ADGRG2: variants seen among roughly 807,000 people sequenced by gnomAD.
ADGRG2 encodes the protein adhesion G protein-coupled receptor G2.
In ADGRG2, 26 loss-of-function variants were observed where a neutral mutation model predicts 74.1. The ratio of observed to expected loss-of-function variants is 0.35; its 90% confidence interval spans 0.26 to 0.49. ADGRG2 has a LOEUF of 0.49. Among genes scored for constraint, ADGRG2 ranks in the 20% least tolerant of loss-of-function variants. The pLI is 0.99. For synonymous variants in ADGRG2, 296 were observed against 295.2 expected (o/e 1.00, Z -0.03); for missense variants, 619 against 763.1 (o/e 0.81, Z 2.22).
chrX:19,010,912 T>C (rs1359219318), intron 16 of ADGRG2, 134 bp from the exon 17 acceptor site: 2 of 404,938 alleles, frequency 4.9e-6, no homozygotes, highest in African/African-American at 5.1e-5. Flanking sequence ...ACATATGTCT[T>C]AGGAAGACTT....
chrX:19,055,034 G>A (rs1031111207), intron 3 of ADGRG2, among the ~76,000 whole-genome samples: 2 of 111,933 alleles, frequency 1.8e-5, no homozygotes, highest in African/African-American at 6.5e-5. Context: ...GCGACGTGGG[G>A]CTCAGTCTGT....
At position 19,095,430 on chromosome X, in the gene ADGRG2, G is replaced by A. The variant is rs888850770; in HGVS notation, c.-46-12684C>T. Among the ~76,000 whole-genome samples the A allele has an allele frequency of 2.7e-5, 3 of 110,719 alleles. No individual in the cohort carries two copies. The East Asian group carries it at 8.5e-4, about 31-fold the overall frequency. On this transcript the variant is annotated intron_variant, in intron 1 of 28. Transcript: ENST00000379869. The stretch of plus-strand genomic sequence containing the variant: ...AGGCAGTGTGATGTTTGTGTGTGCC[G>A]GTGAGTTTAAGCTTGAACTCGATGA...
chrX:19,051,291 G>A (rs1443664989), intron 3 of ADGRG2, among the ~76,000 whole-genome samples: 2 of 110,812 alleles, frequency 1.8e-5, no homozygotes, highest in Middle Eastern at 4.6e-3. Flanking sequence ...AGCCAGGATG[G>A]TCTCGATCTC....
intron 1 of ADGRG2, among the ~76,000 whole-genome samples, chrX:19,100,539 C>T (rs1249248250): frequency 8.8e-6 from 1 of 113,244 alleles, no homozygotes; most frequent in Non-Finnish European, 1.9e-5. Flanking sequence ...GCTTCCTGTG[C>T]CTCTTTCCCA....
chrX:19,005,240 C>T (rs2060205653), intron 22 of ADGRG2, among the ~76,000 whole-genome samples: 1 of 112,288 alleles, frequency 8.9e-6, no homozygotes, highest in African/African-American at 3.2e-5. Flanking sequence ...TGACTGTGGG[C>T]AACTATCTAA....
chrX:19,021,992 G>T (rs986858864), intron 13 of ADGRG2, among the ~76,000 whole-genome samples: 5 of 109,200 alleles, frequency 4.6e-5, no homozygotes, highest in Non-Finnish European at 9.6e-5. Flanking sequence ...GGCCGGGTGC[G>T]GTGGCTCACA....
chrX:19,095,037 G>C (rs1007454772), intron 1 of ADGRG2, among the ~76,000 whole-genome samples: 8 of 111,963 alleles, frequency 7.1e-5, no homozygotes, highest in African/African-American at 2.6e-4. Flanking sequence ...AGCCTGAATG[G>C]ACTCCTCTGA....
intron 3 of ADGRG2, among the ~76,000 whole-genome samples, chrX:19,050,390 G>A (rs1287841004): frequency 8.9e-6 from 1 of 111,839 alleles, no homozygotes; most frequent in Non-Finnish European, 1.9e-5. Flanking sequence ...AAACCCCAGA[G>A]GCAGACAGAA....
chrX:19,075,561 T>C (rs1171047032), intron 2 of ADGRG2, among the ~76,000 whole-genome samples: 3 of 96,210 alleles, frequency 3.1e-5, no homozygotes, highest in Non-Finnish European at 6.0e-5. Flanking sequence ...GAGGTTGCAG[T>C]GAGCTGAGAT....
chrX:19,014,161 C>A, intron 15 of ADGRG2, 87 bp from the exon 16 acceptor site: 1 of 744,407 alleles, frequency 1.3e-6, no homozygotes, highest in Non-Finnish European at 1.9e-6. Flanking sequence ...TCATCTGACA[C>A]CGTCAAGTTG....
chrX:19,116,271 G>C, intron 1 of ADGRG2, among the ~76,000 whole-genome samples: 2 of 109,724 alleles, frequency 1.8e-5, no homozygotes. Flanking sequence ...AGCACTATAG[G>C]AGGCCGAGGT....
At chrX:19,082,490 T>C (rs1485086039) in intron 2 of ADGRG2, among the ~76,000 whole-genome samples, 1 of 110,922 alleles carries the variant, frequency 9.0e-6, no homozygotes, top group Non-Finnish European at 1.9e-5. Flanking sequence ...AGGTCAACAA[T>C]AGAATCCCCA....
At chrX:19,114,953 G>A (rs1478402861) in intron 1 of ADGRG2, among the ~76,000 whole-genome samples, 1 of 111,774 alleles carries the variant, frequency 8.9e-6, no homozygotes, top group Non-Finnish European at 1.9e-5. Flanking sequence ...GATGAGAATT[G>A]TACCTGCTTC....
At chrX:19,062,992 A>G (rs2061509523) in intron 3 of ADGRG2, among the ~76,000 whole-genome samples, 2 of 97,434 alleles carry the variant, frequency 2.1e-5, no homozygotes. Flanking sequence ...CTAAAAGAAG[A>G]CCTCCTTCAA....
intron 1 of ADGRG2, among the ~76,000 whole-genome samples, chrX:19,121,067 C>T (rs2062601620): frequency 9.0e-6 from 1 of 111,302 alleles, no homozygotes; most frequent in South Asian, 3.9e-4. Context: ...GAGGATCTGA[C>T]CCCTTTAAAG....
At chrX:19,108,105 A>C (rs1453627061) in intron 1 of ADGRG2, among the ~76,000 whole-genome samples, 15 of 68,843 alleles carry the variant, frequency 2.2e-4, no homozygotes, top group Non-Finnish European at 3.8e-4. Context: ...ACTCCGTCTC[A>C]AAAAAAAAAA....
At chrX:19,066,675 G>A (rs1392711483) in intron 3 of ADGRG2, among the ~76,000 whole-genome samples, 1 of 109,224 alleles carries the variant, frequency 9.2e-6, no homozygotes, top group Non-Finnish European at 1.9e-5. Context: ...TGTTGCTCAG[G>A]CTTGTCTTGA....
At chrX:19,107,632 T>TTTTTG (rs1193666655) in intron 1 of ADGRG2, among the ~76,000 whole-genome samples, 1 of 85,259 alleles carries the variant, frequency 1.2e-5, no homozygotes, top group Non-Finnish European at 2.0e-5. Flanking sequence ...GGAGTTTTGT[T>TTTTTG]TTTTGTTTTT....
intron 1 of ADGRG2, among the ~76,000 whole-genome samples, chrX:19,090,791 G>C (rs1016688852): frequency 1.8e-5 from 2 of 111,204 alleles, no homozygotes; most frequent in African/African-American, 6.5e-5. Flanking sequence ...TTAATGTTTA[G>C]AAAGGTCAAA....
Sources: allele counts gnomAD v4.1 joint callset (sites outside exome capture counted in the v4.1 genomes callset), GRCh38; gene constraint gnomAD v4.1.1; transcripts MANE v1.5; gene names NCBI Gene and HGNC (gene_info 2026-07-23, HGNC 2026-07-21).